The following ACTR1A variants were observed in gnomAD, a reference collection of about 807,000 sequenced individuals.
ACTR1A encodes actin related protein 1A.
ACTR1A carries 10 observed loss-of-function variants against 50.7 expected under a neutral mutation model. The ratio of observed to expected loss-of-function variants is 0.20; its 90% CI spans 0.12 to 0.33. The LOEUF (loss-of-function observed/expected upper bound fraction) is 0.33, where lower values mean the gene tolerates loss of function less well. ACTR1A is among the 10% of genes least tolerant of loss of function. ACTR1A has a pLI of 1.00. For synonymous variants in ACTR1A, 177 were observed against 184.2 expected (o/e 0.96, Z 0.32); for missense variants, 253 against 491.7 (o/e 0.51, Z 4.59).
At chr10:102,497,963 C>T (rs1170494076) in intron 1 of ACTR1A, among the ~76,000 whole-genome samples, 4 of 149,706 alleles carry the variant, frequency 2.7e-5, no homozygotes, top group Admixed American at 6.7e-5. Flanking sequence ...AGGTGGTACA[C>T]GGCTGTAGTC....
At chr10:102,481,443 T>C (rs2062141740) in intron 9 of ACTR1A, among the ~76,000 whole-genome samples, 1 of 152,204 alleles carries the variant, frequency 6.6e-6, no homozygotes, top group Non-Finnish European at 1.5e-5. Flanking sequence ...GGATCCCCGC[T>C]CTCCTCAGAC....
At chr10:102,486,089 T>A (rs1044335800) in intron 4 of ACTR1A, among the ~76,000 whole-genome samples, 5 of 152,226 alleles carry the variant, frequency 3.3e-5, no homozygotes, top group African/African-American at 1.2e-4. Flanking sequence ...TGTGACCTGT[T>A]AGGAACCAGG....
chr10:102,500,602 A>G (rs937650874), intron 1 of ACTR1A, among the ~76,000 whole-genome samples: 1 of 150,748 alleles, frequency 6.6e-6, no homozygotes, highest in Non-Finnish European at 1.5e-5. Context: ...CAAACAAACA[A>G]ACAAAAATTA....
chr10:102,494,639 C>A (rs960243515), intron 1 of ACTR1A, among the ~76,000 whole-genome samples: 2 of 150,888 alleles, frequency 1.3e-5, no homozygotes, highest in African/African-American at 5.0e-5. Context: ...TGTCTCAAAA[C>A]CAACCAACCA....
chr10:102,490,767 C>T (rs982060737), intron 1 of ACTR1A, among the ~76,000 whole-genome samples, 154 bp from the exon 2 acceptor site: 10 of 152,072 alleles, frequency 6.6e-5, no homozygotes, highest in South Asian at 2.1e-4. Context: ...CAGAGGCAGG[C>T]GGATCACTTG....
At position 102,499,345 on chromosome 10, in the gene ACTR1A, G is replaced by A. The variant is rs190151502; in HGVS notation, c.48+3255C>T. Among the ~76,000 whole-genome samples, 222 of 152,238 alleles carry A rather than the reference G, an allele frequency of 1.5e-3. 3 individuals are homozygous for A. Among genetic ancestry groups the A allele is most frequent in the African/African-American group, 5.2e-3 (215 of 41,536 alleles). On this transcript the variant is annotated intron_variant, in intron 1 of 10. Transcript: ENST00000369905. ...TAAACAACAAGGACTACCTGAGACC[G>A]CACATGTAAAAATGTGGCAGATTTT...
rs2062179488 is a variant in ACTR1A, at chr10:102,488,602, G to A, written c.190-327C>T. ...ACACAATCTCCTGGCTCCCACCTCT[G>A]GGCCTCAGCACTTGAAGCCAAGGAT... On this transcript the variant is annotated intron_variant, in intron 3 of 10. Coordinates refer to ENST00000369905, the MANE Select transcript of ACTR1A (RefSeq NM_005736.4). The surrounding 1 kb of genome is among the most constrained non-coding windows in gnomAD (Gnocchi z 4.4). 6.6e-6 allele frequency among the ~76,000 whole-genome samples: 1 copy of A among 152,142 alleles called. No individual in the cohort carries two copies. The highest frequency in any genetic ancestry group is 1.5e-5 in the Non-Finnish European group (1 of 68,022).
intron 6 of ACTR1A, 42 bp downstream of exon 6, chr10:102,484,118 C>T (rs1440656613): frequency 2.3e-5 from 37 of 1,601,900 alleles, no homozygotes; most frequent in Non-Finnish European, 3.1e-5. Flanking sequence ...TGCTATGCTC[C>T]CAACCCCCAC....
chr10:102,497,653 T>G (rs1421921846), intron 1 of ACTR1A, among the ~76,000 whole-genome samples: 1 of 62,372 alleles, frequency 1.6e-5, no homozygotes, highest in East Asian at 3.6e-4. Flanking sequence ...AGGAGCACAA[T>G]TTTTTTTTTT....
intron 1 of ACTR1A, among the ~76,000 whole-genome samples, chr10:102,496,467 T>C (rs777808456): frequency 6.6e-5 from 10 of 152,230 alleles, no homozygotes; most frequent in Non-Finnish European, 1.0e-4. Context: ...TTCTTCCACA[T>C]GGTATCTGAT....
chr10:102,493,745 C>T (rs955901906), intron 1 of ACTR1A, among the ~76,000 whole-genome samples: 3 of 152,218 alleles, frequency 2.0e-5, no homozygotes, highest in African/African-American at 7.2e-5. Context: ...GGCTAAAATA[C>T]ATTTTGGCAG....
chr10:102,493,258 C>T (rs1003019151), intron 1 of ACTR1A, among the ~76,000 whole-genome samples: 8 of 152,110 alleles, frequency 5.3e-5, no homozygotes, highest in Admixed American at 6.6e-5. Flanking sequence ...GAGCAAGGCA[C>T]GGACAGGCAA....
chr10:102,500,686 G>A (rs2062246225), intron 1 of ACTR1A, among the ~76,000 whole-genome samples: 1 of 152,136 alleles, frequency 6.6e-6, no homozygotes, highest in Non-Finnish European at 1.5e-5. Flanking sequence ...TGAACCTGGA[G>A]GCGGAGGCTG....
At chr10:102,502,475 G>T in intron 1 of ACTR1A, 125 bp downstream of exon 1, 1 of 1,028,098 alleles carries the variant, frequency 9.7e-7, no homozygotes. Context: ...AGGCGGCGGT[G>T]GCTGAACGCG....
chr10:102,485,650 A>G lies in ACTR1A; in HGVS notation c.399T>C (p.Asn133=), dbSNP rs149491902. 1.1e-5 allele frequency: 18 copies of G among 1,613,960 alleles called. No individual in the cohort carries two copies. The highest frequency in any genetic ancestry group is 1.4e-5 in the Non-Finnish European group (17 of 1,180,018). ...RAAEVFFETF[N]VPALFISMQA... is the part of the protein sequence containing the mutation. ...GCATGGAGATGAAAAGAGCGGGCAC[A>G]TTGAAGGTCTCGAAGAAAACTTCGG... is the stretch of plus-strand genomic sequence containing the variant. Residue 133 remains asparagine (N), a synonymous_variant, in exon 5 of 11, where the codon AAT becomes AAC. Coordinates refer to ENST00000369905, the MANE Select transcript of ACTR1A (RefSeq NM_005736.4).
chr10:102,479,770 C>A lies in ACTR1A; in HGVS notation c.*1093G>T. The A allele has an allele frequency of 2.0e-6, 2 of 983,442 alleles. No individual in the cohort carries two copies. Among genetic ancestry groups the A allele is most frequent in the Non-Finnish European group, 2.7e-6 (2 of 734,032 alleles). 60.9% of individuals were successfully genotyped at this position (983,442 alleles called of 1,614,324 possible). ...TCCAGTCTTAAGGGCACTGGCTCTC[C>A]AACACCCCTCCCTTGCTTAGGGGCC... On this transcript the variant is annotated 3_prime_UTR_variant, in exon 11 of 11. Transcript: ENST00000369905. This position sits in a 1 kb window ranked among gnomAD's most constrained non-coding sequence, Gnocchi z 4.0.
intron 2 of ACTR1A, 78 bp downstream of exon 2, chr10:102,490,471 G>T: frequency 8.4e-7 from 1 of 1,188,928 alleles, no homozygotes; most frequent in South Asian, 1.3e-5. Flanking sequence ...CTCCAAACTC[G>T]GCTCCTGTCC....
chr10:102,486,281 C>T (rs1326179803), intron 4 of ACTR1A, among the ~76,000 whole-genome samples: 1 of 152,160 alleles, frequency 6.6e-6, no homozygotes, highest in Non-Finnish European at 1.5e-5. Flanking sequence ...AGAGGTGGAA[C>T]AGCTTCATCC....
At chr10:102,492,753 G>A (rs1737006635) in intron 1 of ACTR1A, among the ~76,000 whole-genome samples, 1 of 152,136 alleles carries the variant, frequency 6.6e-6, no homozygotes, top group African/African-American at 2.4e-5. Flanking sequence ...TGTAATCCCA[G>A]CACTGTGGGA....
Sources: allele counts gnomAD v4.1 joint callset (sites outside exome capture counted in the v4.1 genomes callset), GRCh38; gene constraint gnomAD v4.1.1; non-coding constraint Gnocchi (gnomAD v3.1); transcripts MANE v1.5; gene names NCBI Gene and HGNC (gene_info 2026-07-23, HGNC 2026-07-21).